Variants in RBL1 observed in about 807,000 individuals in gnomAD.
RBL1 encodes the protein retinoblastoma-like protein 1.
Under a neutral mutation model 123.0 loss-of-function variants are expected in RBL1, and 82 were observed. The ratio of observed to expected loss-of-function variants is 0.67; its 90% CI spans 0.56 to 0.80. The LOEUF is 0.80. Among genes scored for constraint, RBL1 ranks in the 30% least tolerant of loss-of-function variants. The pLI, the probability that RBL1 is intolerant of heterozygous loss-of-function variation, is 0.00. For missense variants in RBL1, 1,171 were observed against 1,299.6 expected (o/e 0.90, Z 1.52); for synonymous variants, 405 against 441.3 (o/e 0.92, Z 1.03).
Position 37,088,993 on chromosome 20 carries a change from AT to A in RBL1, c.285del (p.Lys95AsnfsTer2). On this transcript the variant is annotated frameshift_variant, in exon 2 of 22. Transcript: ENST00000373664. LOFTEE classifies it high-confidence loss of function. Reference protein sequence around the residue: ...VSLTRILRSAKLSLIQFFSKM... With the variant: ...VSLTRILRSAXLSLIQFFSKM... Reference sequence around the variant, plus strand: ...AAAAACATCAAAGAGGTTTACCTTAATTTAGCTGAACGTAGTATTCTGGTAA... The same window carrying A: ...AAAAACATCAAAGAGGTTTACCTTAATTAGCTGAACGTAGTATTCTGGTAA... The A allele has an allele frequency of 6.3e-7, 1 of 1,582,712 alleles. No homozygotes were observed. The highest frequency in any genetic ancestry group is 8.6e-7 in the Non-Finnish European group (1 of 1,163,530).
intron 2 of RBL1, among the ~76,000 whole-genome samples, chr20:37,070,759 G>T (rs2065270554): frequency 6.6e-6 from 1 of 151,980 alleles, no homozygotes; most frequent in African/African-American, 2.4e-5. Context: ...CACCTCCTGT[G>T]TTCAAGCAAG....
intron 14 of RBL1, among the ~76,000 whole-genome samples, chr20:37,035,860 T>C (rs1042880169): frequency 1.3e-5 from 2 of 152,206 alleles, no homozygotes; most frequent in Non-Finnish European, 2.9e-5. Flanking sequence ...AGAGAGCACC[T>C]GAGAAGAAGG....
intron 1 of RBL1, among the ~76,000 whole-genome samples, chr20:37,094,021 T>G (rs2065690234): frequency 6.6e-6 from 1 of 152,162 alleles, no homozygotes; most frequent in Non-Finnish European, 1.5e-5. Context: ...CCTATTCAAC[T>G]CTGCCTAACT....
chr20:37,022,511 G>A (rs2064356491), intron 17 of RBL1, 139 bp downstream of exon 17: 3 of 691,098 alleles, frequency 4.3e-6, no homozygotes, highest in Non-Finnish European at 6.8e-6. Context: ...ATTTTTTATA[G>A]AGATGAGGTT....
At chr20:37,087,094 TG>T (rs1410962488) in intron 2 of RBL1, among the ~76,000 whole-genome samples, 4 of 152,164 alleles carry the variant, frequency 2.6e-5, no homozygotes, top group Admixed American at 1.3e-4. Context: ...CCCAGCACTT[TG>T]GGAGGCTGAG....
intron 1 of RBL1, among the ~76,000 whole-genome samples, chr20:37,090,776 A>G (rs2065634186): frequency 6.6e-6 from 1 of 152,196 alleles, no homozygotes; most frequent in Non-Finnish European, 1.5e-5. Context: ...TTACTATACT[A>G]AATACTGTTG....
intron 1 of RBL1, 95 bp downstream of exon 1, chr20:37,095,678 G>A: frequency 4.1e-6 from 5 of 1,215,230 alleles, no homozygotes; most frequent in Non-Finnish European, 5.5e-6. Flanking sequence ...TCCTAGGTGG[G>A]GAAACTCCCA....
chr20:37,092,911 AT>A (rs2065670647), intron 1 of RBL1, among the ~76,000 whole-genome samples: 1 of 152,008 alleles, frequency 6.6e-6, no homozygotes, highest in Non-Finnish European at 1.5e-5. Flanking sequence ...ATCAGAAACC[AT>A]TTTTTGCATT....
chr20:37,020,652 A>G lies in RBL1; in HGVS notation c.2631+7T>C, dbSNP rs749120757. 2 of 1,550,724 alleles carry G rather than the reference A, an allele frequency of 1.3e-6. No homozygotes were observed. The highest frequency in any genetic ancestry group is 1.8e-6 in the Non-Finnish European group (2 of 1,141,140). ...TTTTGGACAGTAGGAAAAATAATGTAACTCACGTGACTATTAGCTTGGGGC... is the reference window on the plus strand; with the variant it reads ...TTTTGGACAGTAGGAAAAATAATGTGACTCACGTGACTATTAGCTTGGGGC... On this transcript the variant is annotated splice_region_variant and intron_variant, in intron 18 of 21. Transcript: ENST00000373664.
intron 20 of RBL1, among the ~76,000 whole-genome samples, chr20:37,007,195 G>T (rs1046212272): frequency 6.6e-6 from 1 of 152,152 alleles, no homozygotes; most frequent in Non-Finnish European, 1.5e-5. Context: ...GTTGCAGTGA[G>T]CCCAGATCTC....
At chr20:37,054,664 T>C (rs2146283653) in intron 11 of RBL1, among the ~76,000 whole-genome samples, 1 of 151,410 alleles carries the variant, frequency 6.6e-6, no homozygotes, top group South Asian at 2.1e-4. Flanking sequence ...ACCCTGTCTT[T>C]ACTAAAAATA....
intron 2 of RBL1, among the ~76,000 whole-genome samples, chr20:37,069,581 G>A (rs1256081155): frequency 6.9e-6 from 1 of 145,688 alleles, no homozygotes; most frequent in East Asian, 1.9e-4. Context: ...CGTCTGAGAA[G>A]TGAGGAGACC....
intron 2 of RBL1, among the ~76,000 whole-genome samples, chr20:37,077,082 G>A (rs2065376259): frequency 1.3e-5 from 2 of 151,810 alleles, no homozygotes; most frequent in Admixed American, 1.3e-4. Flanking sequence ...GACTACAGGC[G>A]CCTGCCACCA....
At chr20:37,007,337 A>G (rs1317852256) in intron 20 of RBL1, 74 bp downstream of exon 20, 2 of 1,496,372 alleles carry the variant, frequency 1.3e-6, no homozygotes, top group Admixed American at 3.9e-5. Context: ...GGACATATTT[A>G]TCTAGCAAAA....
chr20:37,035,174 A>G (rs1357896093), intron 15 of RBL1, 68 bp downstream of exon 15: 2 of 1,404,304 alleles, frequency 1.4e-6, no homozygotes, highest in Non-Finnish European at 1.9e-6. Context: ...CATGTGATCT[A>G]ATCCACTAAG....
chr20:37,042,802 T>C (rs1418985256), intron 13 of RBL1, among the ~76,000 whole-genome samples: 1 of 149,176 alleles, frequency 6.7e-6, no homozygotes, highest in African/African-American at 2.5e-5. Context: ...CTCAGAAGGC[T>C]GTGGGGAGAT....
At chr20:37,088,290 G>A (rs903966089) in intron 2 of RBL1, among the ~76,000 whole-genome samples, 1 of 151,224 alleles carries the variant, frequency 6.6e-6, no homozygotes, top group Non-Finnish European at 1.5e-5. Context: ...AAGAGAGAGA[G>A]AGAAAGATCT....
intron 9 of RBL1, among the ~76,000 whole-genome samples, chr20:37,057,050 T>TA (rs910985901): frequency 1.8e-4 from 27 of 149,668 alleles, no homozygotes; most frequent in Non-Finnish European, 3.9e-4. Context: ...CCTACCTACC[T>TA]ATCTACCTAT....
intron 2 of RBL1, among the ~76,000 whole-genome samples, chr20:37,076,994 T>C (rs1215046757): frequency 6.6e-6 from 1 of 151,012 alleles, no homozygotes. Context: ...TGGAGTGCAG[T>C]GGCACAATCG....
Sources: allele counts gnomAD v4.1 joint callset (sites outside exome capture counted in the v4.1 genomes callset), GRCh38; gene constraint gnomAD v4.1.1; transcripts MANE v1.5; gene names NCBI Gene and HGNC (gene_info 2026-07-23, HGNC 2026-07-21).